FHL5: variants seen among roughly 807,000 people sequenced by gnomAD.
The protein encoded by FHL5 is four and a half LIM domains protein 5.
Under a neutral mutation model 32.0 loss-of-function variants are expected in FHL5, and 33 were observed. That is an observed-to-expected ratio of 1.03 (90% CI 0.78 to 1.38). The LOEUF is 1.38. Ranked by LOEUF, FHL5 falls within the 40% of genes most tolerant of loss-of-function variation. The pLI is 0.00. For synonymous variants in FHL5, 114 were observed against 113.6 expected, an observed-to-expected ratio of 1.00 and a Z score of -0.02; for missense variants, 336 against 343.9, an observed-to-expected ratio of 0.98 and a Z score of 0.18.
chr6:96,591,101 A>G (rs968139481), intron 1 of FHL5, among the ~76,000 whole-genome samples: 1 of 152,124 alleles, frequency 6.6e-6, no homozygotes, highest in Admixed American at 6.6e-5. Flanking sequence ...AAAATTTACC[A>G]GAGCATGTTC....
intron 5 of FHL5, among the ~76,000 whole-genome samples, chr6:96,614,047 G>C (rs910964464): frequency 6.6e-6 from 1 of 152,158 alleles, no homozygotes; most frequent in African/African-American, 2.4e-5. Context: ...TGACCTAAGG[G>C]AGTAAACATA....
rs778703817 is a variant in FHL5, at chr6:96,604,739, C to T, written c.160-11C>T. The T allele has an allele frequency of 1.0e-5, 16 of 1,593,588 alleles. No homozygotes were observed. The South Asian group carries it at 1.7e-4, about 17-fold the overall frequency. ...ACCACATTTAATTAACTTTTATTTA[C>T]TGTCTCAAAGGATCTTTGTTACAAA... On this transcript the variant is annotated splice_polypyrimidine_tract_variant and intron_variant, in intron 2 of 5. Coordinates refer to ENST00000450218, the MANE Select transcript of FHL5 (RefSeq NM_001322466.2).
At chr6:96,575,416 C>A (rs537439849) in intron 1 of FHL5, among the ~76,000 whole-genome samples, 1 of 152,294 alleles carries the variant, frequency 6.6e-6, no homozygotes, top group South Asian at 2.1e-4. Flanking sequence ...GCATGAGAGA[C>A]CAAGCCCTTC....
intron 1 of FHL5, among the ~76,000 whole-genome samples, chr6:96,600,625 G>A (rs957868674): frequency 1.3e-5 from 2 of 152,024 alleles, no homozygotes; most frequent in African/African-American, 4.8e-5. Flanking sequence ...TTCTAATAGA[G>A]TGTGTATCAT....
At chr6:96,568,423 T>C (rs78621341) in intron 1 of FHL5, among the ~76,000 whole-genome samples, 7,254 of 151,934 alleles carry the variant, frequency 0.048, 221 homozygotes, top group Middle Eastern at 0.11. Context: ...ATAGTTTTCT[T>C]TTTTTGTTGT....
At chr6:96,614,826 A>T (rs768865579) in intron 5 of FHL5, among the ~76,000 whole-genome samples, 17 of 152,210 alleles carry the variant, frequency 1.1e-4, no homozygotes, top group Non-Finnish European at 2.5e-4. Context: ...CGAAGATTCA[A>T]ATTCGACTAC....
chr6:96,582,553 T>A (rs2127963443), intron 1 of FHL5, among the ~76,000 whole-genome samples: 1 of 152,242 alleles, frequency 6.6e-6, no homozygotes, highest in South Asian at 2.1e-4. Context: ...TTTTCTTCGT[T>A]AGTGTCCAGA....
intron 5 of FHL5, among the ~76,000 whole-genome samples, chr6:96,611,320 GA>G (rs2127975472): frequency 6.6e-6 from 1 of 152,136 alleles, no homozygotes; most frequent in East Asian, 1.9e-4. Context: ...TTGCAATTAT[GA>G]AGTGTGTTTA....
intron 1 of FHL5, among the ~76,000 whole-genome samples, chr6:96,592,019 A>T (rs1186674302): frequency 6.6e-6 from 1 of 152,144 alleles, no homozygotes; most frequent in Non-Finnish European, 1.5e-5. Context: ...GCAGGGCGAG[A>T]TCACAGGACC....
At chr6:96,585,485 T>C (rs910750760) in intron 1 of FHL5, among the ~76,000 whole-genome samples, 1 of 152,082 alleles carries the variant, frequency 6.6e-6, no homozygotes, top group Non-Finnish European at 1.5e-5. Context: ...TTTGCTTATA[T>C]GCAAAAGTAA....
intron 1 of FHL5, among the ~76,000 whole-genome samples, chr6:96,578,656 A>G (rs151081702): frequency 1.2e-3 from 177 of 152,232 alleles, no homozygotes; most frequent in African/African-American, 4.1e-3. Flanking sequence ...ACCCTGGCCA[A>G]CGTGTCGAAA....
rs1262467916 is a variant in FHL5 at position 96,618,320 on chromosome 6, C to G, written c.*2548C>G. 6.6e-6 allele frequency among the ~76,000 whole-genome samples: 1 copy of G among 152,104 alleles called. No individual in the cohort carries two copies. Among genetic ancestry groups the G allele is most frequent in the East Asian group, 1.9e-4 (1 of 5,190 alleles). On this transcript the variant is annotated 3_prime_UTR_variant, in exon 6 of 6. Coordinates refer to ENST00000450218, the MANE Select transcript of FHL5 (RefSeq NM_001322466.2). ...GCAGGAAAGAAGTTAAAAGCAAATC[C>G]CATGTGCCAATAACAACCAGATGGC...
chr6:96,605,763 G>GA, intron 3 of FHL5, 139 bp from the exon 4 acceptor site: 2 of 741,974 alleles, frequency 2.7e-6, no homozygotes, highest in Non-Finnish European at 4.1e-6. Flanking sequence ...TTTTGAACCT[G>GA]AAAAAATACT....
At chr6:96,600,179 C>A (rs1771120072) in intron 1 of FHL5, among the ~76,000 whole-genome samples, 1 of 152,170 alleles carries the variant, frequency 6.6e-6, no homozygotes, top group African/African-American at 2.4e-5. Flanking sequence ...TCTGCCTGCT[C>A]CATCCCAGTT....
chr6:96,601,634 A>C (rs1771151138), intron 1 of FHL5, among the ~76,000 whole-genome samples: 1 of 152,242 alleles, frequency 6.6e-6, no homozygotes, highest in African/African-American at 2.4e-5. Flanking sequence ...AGTAGACTGC[A>C]GTTCCTAACC....
intron 1 of FHL5, among the ~76,000 whole-genome samples, chr6:96,585,717 T>C (rs1279941964): frequency 6.6e-6 from 1 of 152,128 alleles, no homozygotes; most frequent in Non-Finnish European, 1.5e-5. Context: ...TATATGGTAA[T>C]TCACCTCCCT....
rs1033787168 is a variant in FHL5, at chr6:96,617,704, C to T, written c.*1932C>T. 1.3e-5 allele frequency among the ~76,000 whole-genome samples: 2 copies of T among 152,064 alleles called. No individual in the cohort carries two copies. Among genetic ancestry groups the T allele is most frequent in the Admixed American group, 6.6e-5 (1 of 15,258 alleles). ...AACATGTAACATCTTCTCTGTTAAC[C>T]AATTATAGATACATATACAACATGT... On this transcript the variant is annotated 3_prime_UTR_variant, in exon 6 of 6. Coordinates refer to ENST00000450218, the MANE Select transcript of FHL5 (RefSeq NM_001322466.2).
intron 2 of FHL5, 21 bp from the exon 3 acceptor site, chr6:96,604,725 TTAAC>T (rs763749121): frequency 1.3e-6 from 2 of 1,582,048 alleles, no homozygotes; most frequent in African/African-American, 2.7e-5. Flanking sequence ...CCACATTTAA[TTAAC>T]TTTTATTTAC....
Position 96,604,936 on chromosome 6 carries a change from A to T in FHL5, c.334+12A>T. The T allele has an allele frequency of 1.3e-6, 2 of 1,582,076 alleles. No homozygotes were observed. The highest frequency in any genetic ancestry group is 1.7e-6 in the Non-Finnish European group (2 of 1,161,938). On this transcript the variant is annotated intron_variant, in intron 3 of 5. Transcript: ENST00000450218. ...GACCATCATGCCTGGTAGGGTCTCA[A>T]GGGGGCTCCTGTCTCTAACTGAAGC...
Sources: gnomAD v4.1 joint callset for allele counts (sites outside exome capture counted in the v4.1 genomes callset) on GRCh38, gnomAD v4.1.1 for gene constraint, MANE v1.5 for transcripts, NCBI Gene and HGNC (gene_info 2026-07-23, HGNC 2026-07-21) for gene names.